Variants in PSD3 observed in about 807,000 individuals in gnomAD.
PSD3 encodes the protein pleckstrin and Sec7 domain containing 3.
PSD3 carries 49 observed loss-of-function variants against 105.5 expected under a neutral mutation model. That is an observed-to-expected ratio of 0.46 (90% CI 0.37 to 0.59). PSD3 has a LOEUF of 0.59. PSD3 is among the 20% of genes least tolerant of loss of function. The pLI is 0.00. For synonymous variants in PSD3, 557 were observed against 457.8 expected (o/e 1.22, Z -2.77); for missense variants, 1,561 against 1,263.8 (o/e 1.24, Z -3.57).
At chr8:18,940,364 A>C (rs12114972) in intron 1 of PSD3, 46,309 of 152,184 alleles carry the variant, frequency 0.3, 8,896 homozygotes, top group Non-Finnish European at 0.43. Context: ...CCTGGTGACC[A>C]TGATCCACAG....
intron 4 of PSD3, among the ~76,000 whole-genome samples, chr8:18,851,919 A>G (rs950317877): frequency 6.6e-6 from 1 of 152,180 alleles, no homozygotes; most frequent in Non-Finnish European, 1.5e-5. Context: ...TGAAAACTAG[A>G]TCAAAATTCA....
chr8:19,000,988 CT>C (rs1388438833), intron 1 of PSD3: 1 of 151,886 alleles, frequency 6.6e-6, no homozygotes, highest in Non-Finnish European at 1.5e-5. Context: ...GCTCAAATCT[CT>C]TATACAAAGT....
At chr8:18,859,224 CTTTT>C (rs35179243) in intron 4 of PSD3, among the ~76,000 whole-genome samples, 8 of 130,336 alleles carry the variant, frequency 6.1e-5, no homozygotes, top group Non-Finnish European at 4.9e-5. Context: ...CAAAGAAATC[CTTTT>C]TTTTTTTTTT....
chr8:19,080,682 G>C (rs1196781694), intron 1 of PSD3, among the ~76,000 whole-genome samples: 1 of 152,168 alleles, frequency 6.6e-6, no homozygotes, highest in Non-Finnish European at 1.5e-5. Context: ...TTACAAGCTA[G>C]TGATCAAAGC....
At chr8:18,967,281 G>C (rs12549519) in intron 1 of PSD3, among the ~76,000 whole-genome samples, 1 of 151,654 alleles carries the variant, frequency 6.6e-6, no homozygotes, top group South Asian at 2.1e-4. Context: ...TCTGCCTCCC[G>C]AATAGCTGGG....
intron 1 of PSD3, among the ~76,000 whole-genome samples, chr8:19,051,916 C>G (rs1233946389): frequency 1.3e-5 from 2 of 152,102 alleles, no homozygotes; most frequent in Non-Finnish European, 2.9e-5. Context: ...TTAATTAACT[C>G]CAGGAAGGAA....
At chr8:18,679,398 G>A (rs1199809569) in intron 9 of PSD3, among the ~76,000 whole-genome samples, 2 of 152,190 alleles carry the variant, frequency 1.3e-5, no homozygotes, top group Non-Finnish European at 2.9e-5. Context: ...CAATGGATTA[G>A]GCACTTAGCA....
At chr8:18,699,537 T>C (rs1269117059) in intron 9 of PSD3, among the ~76,000 whole-genome samples, 1 of 152,176 alleles carries the variant, frequency 6.6e-6, no homozygotes, top group Non-Finnish European at 1.5e-5. Flanking sequence ...TGGGGACTTA[T>C]ATTGAATGAG....
chr8:18,793,399 G>A (rs111267438), intron 8 of PSD3, among the ~76,000 whole-genome samples: 18 of 148,794 alleles, frequency 1.2e-4, no homozygotes, highest in African/African-American at 3.9e-4. Flanking sequence ...AAAACTGGGT[G>A]ACGAGATGAT....
intron 4 of PSD3, among the ~76,000 whole-genome samples, chr8:18,805,713 T>G (rs950476377): frequency 1.3e-5 from 2 of 152,218 alleles, no homozygotes; most frequent in Non-Finnish European, 2.9e-5. Flanking sequence ...TTTCATTATA[T>G]AACCTTAAAA....
chr8:18,991,488 C>A (rs905191143), intron 1 of PSD3, among the ~76,000 whole-genome samples: 3 of 152,000 alleles, frequency 2.0e-5, no homozygotes, highest in African/African-American at 7.3e-5. Flanking sequence ...CAGGCAGGGC[C>A]TTCTCTGACT....
At chr8:18,720,234 A>G (rs776893933) in intron 9 of PSD3, among the ~76,000 whole-genome samples, 1 of 152,134 alleles carries the variant, frequency 6.6e-6, no homozygotes, top group Admixed American at 6.5e-5. Flanking sequence ...AAACATAACC[A>G]TATTTTATTA....
intron 9 of PSD3, among the ~76,000 whole-genome samples, chr8:18,758,540 G>A (rs1200500058): frequency 1.3e-5 from 2 of 150,710 alleles, no homozygotes; most frequent in African/African-American, 4.9e-5. Flanking sequence ...TGATTCATCT[G>A]TTGTTCTTTA....
intron 9 of PSD3, among the ~76,000 whole-genome samples, chr8:18,667,858 C>T (rs1002315936): frequency 6.6e-6 from 1 of 152,220 alleles, no homozygotes; most frequent in Non-Finnish European, 1.5e-5. Context: ...TGGGGAGAAT[C>T]TGAGTGTAGC....
intron 1 of PSD3, among the ~76,000 whole-genome samples, chr8:19,057,008 C>T (rs529570045): frequency 2.6e-4 from 39 of 152,198 alleles, no homozygotes; most frequent in African/African-American, 7.0e-4. Context: ...CAAACCTATA[C>T]GCCGGTTTGC....
Position 19,068,542 on chromosome 8 carries a change from C to T in PSD3, c.324+15664G>A, listed in dbSNP as rs895134165. On this transcript the variant is annotated intron_variant, in intron 1 of 1. Transcript: ENST00000521475. Reference sequence around the variant, plus strand: ...CTGGCCTCAAGCAATCCTTCCCCCTCGGCCTCCCAAGGTGCTGGGATTACA... The same window carrying T: ...CTGGCCTCAAGCAATCCTTCCCCCTTGGCCTCCCAAGGTGCTGGGATTACA... Among the ~76,000 whole-genome samples the T allele has an allele frequency of 1.7e-4, 26 of 152,218 alleles. No homozygotes were observed. The South Asian group carries it at 3.7e-3, about 22-fold the overall frequency.
At chr8:18,632,106 C>T (rs1030552247) in intron 11 of PSD3, among the ~76,000 whole-genome samples, 40 of 152,052 alleles carry the variant, frequency 2.6e-4, no homozygotes, top group African/African-American at 9.2e-4. Context: ...ATACTATGCT[C>T]TCCTACATCT....
intron 9 of PSD3, among the ~76,000 whole-genome samples, chr8:18,737,489 G>T (rs1228452599): frequency 6.6e-6 from 1 of 152,046 alleles, no homozygotes; most frequent in East Asian, 1.9e-4. Context: ...TTTTTGTAGA[G>T]ATGGAGTGTT....
chr8:18,574,623 A>T (rs1157389827), intron 13 of PSD3, among the ~76,000 whole-genome samples: 1 of 152,208 alleles, frequency 6.6e-6, no homozygotes, highest in East Asian at 1.9e-4. Context: ...ACAAAAAAAT[A>T]AACATTTACA....
Sources: gnomAD v4.1 joint callset for allele counts (sites outside exome capture counted in the v4.1 genomes callset) on GRCh38, gnomAD v4.1.1 for gene constraint, MANE v1.5 for transcripts, NCBI Gene and HGNC (gene_info 2026-07-23, HGNC 2026-07-21) for gene names.